DUS3L: variants seen among roughly 807,000 people sequenced by gnomAD.
DUS3L encodes the protein tRNA-dihydrouridine(47) synthase [NAD(P)(+)]-like.
Under a neutral mutation model 74.6 loss-of-function variants are expected in DUS3L, and 62 were observed. That is an observed-to-expected ratio of 0.83 (90% CI 0.68 to 1.03). The LOEUF is 1.03. DUS3L is among the 50% of genes least tolerant of loss of function. The probability of loss-of-function intolerance (pLI) is 0.00; values close to 1 mark genes in which losing one functional copy is unlikely to be tolerated. For missense variants in DUS3L, 884 were observed against 924.4 expected (o/e 0.96, Z 0.57); for synonymous variants, 433 against 395.7 (o/e 1.09, Z -1.12).
intron 8 of DUS3L, 91 bp from the exon 9 acceptor site, chr19:5,786,936 G>A (rs759638845): frequency 1.0e-5 from 15 of 1,500,860 alleles, no homozygotes; most frequent in South Asian, 1.3e-5. Flanking sequence ...GAGACAGAGA[G>A]AGACACAGGC....
Position 5,787,343 on chromosome 19 carries a change from T to C in DUS3L, c.1231A>G (p.Met411Val), listed in dbSNP as rs972014190. 1.2e-6 allele frequency: 2 copies of C among 1,608,146 alleles called. No homozygotes were observed. The highest frequency in any genetic ancestry group is 2.2e-5 in the East Asian group (1 of 44,578). Reference sequence around the variant, plus strand: ...TGCTGGAACTTGGTGGAGCGATTCATGAGGGCACAGCCCCCACCCTGGAAG... The same window carrying C: ...TGCTGGAACTTGGTGGAGCGATTCACGAGGGCACAGCCCCCACCCTGGAAG... The part of the protein sequence containing the change: ...VYKKGGGCAL[M>V]NRSTKFQQIV... The change falls in exon 7 of 13, where the codon ATG becomes GTG. Residue 411 changes from methionine to valine, a missense_variant. Transcript: ENST00000309061.
Position 5,785,502 on chromosome 19 carries a change from G to A in DUS3L, c.1761C>T (p.Pro587=), listed in dbSNP as rs528217630. ...EWLSFLCRYV[P]VGLLERLPQR... The stretch of plus-strand genomic sequence containing the variant: ...GTGGGAGCCGCTCCAGCAGCCCCAC[G>A]GGCACGTACCTGCGGCGGGTGGGCG... The change falls in exon 12 of 13, where the codon CCC becomes CCT. Residue 587 remains proline, a synonymous_variant. Coordinates refer to ENST00000309061, the MANE Select transcript of DUS3L (RefSeq NM_020175.3). 2.7e-5 allele frequency: 43 copies of A among 1,565,724 alleles called. No individual in the cohort carries two copies. In the South Asian group the frequency reaches 3.8e-4, roughly 14 times the overall value.
At chr19:5,788,926 T>C (rs1457894288) in intron 3 of DUS3L, among the ~76,000 whole-genome samples, 7 of 152,166 alleles carry the variant, frequency 4.6e-5, no homozygotes, top group African/African-American at 1.7e-4. Flanking sequence ...AGGCTGGTTT[T>C]GAACTCCCGA....
At position 5,786,852 on chromosome 19, in the gene DUS3L, G is replaced by A. The variant is rs1239522197; in HGVS notation, c.1390-7C>T. ...CCCGAGAGCGGCCGTGGAGCTGGGG[G>A]AGAAGCCGCCACGCAGGGTAGGAGG... On this transcript the variant is annotated splice_region_variant and splice_polypyrimidine_tract_variant and intron_variant, in intron 8 of 12. Coordinates refer to ENST00000309061, the MANE Select transcript of DUS3L (RefSeq NM_020175.3). 1.9e-6 allele frequency: 3 copies of A among 1,605,102 alleles called. No homozygotes were observed. Among genetic ancestry groups the A allele is most frequent in the South Asian group, 2.2e-5 (2 of 89,628 alleles).
chr19:5,789,459 C>T lies in DUS3L; in HGVS notation c.648G>A (p.Gln216=). Residue 216 remains glutamine, a synonymous_variant, in exon 3 of 13, where the codon CAG becomes CAA. Coordinates refer to ENST00000309061, the MANE Select transcript of DUS3L (RefSeq NM_020175.3). Reference sequence around the variant, plus strand: ...AGCGGACCTCGCGCTTCCGCAGCTGCTGCTGCAGGGCTTTGTCCAGGCCGT... The same window carrying T: ...AGCGGACCTCGCGCTTCCGCAGCTGTTGCTGCAGGGCTTTGTCCAGGCCGT... ...IRNGLDKALQ[Q]QLRKREVRFE... is the part of the protein sequence containing the mutation. The T allele has an allele frequency of 6.2e-7, 1 of 1,602,418 alleles. No individual in the cohort carries two copies. The highest frequency in any genetic ancestry group is 8.5e-7 in the Non-Finnish European group (1 of 1,178,802).
intron 10 of DUS3L, chr19:5,786,144 T>G (rs1296592531): frequency 4.3e-6 from 2 of 462,448 alleles, no homozygotes; most frequent in African/African-American, 4.0e-5. Context: ...TAGAGATGTT[T>G]CACCATGTTG....
chr19:5,787,186 T>TGGAGGTGGTGGGAGACGGC lies in DUS3L; in HGVS notation c.1279-16_1279-15insGCCGTCTCCCACCACCTCC. 8.3e-7 allele frequency: 1 copy of TGGAGGTGGTGGGAGACGGC among 1,205,546 alleles called. No homozygotes were observed. The highest frequency in any genetic ancestry group is 1.1e-6 in the Non-Finnish European group (1 of 931,216). 74.7% of individuals were successfully genotyped at this position (1,205,546 alleles called of 1,614,324 possible). On this transcript the variant is annotated splice_polypyrimidine_tract_variant and intron_variant, in intron 7 of 12. Coordinates refer to ENST00000309061, the MANE Select transcript of DUS3L (RefSeq NM_020175.3). ...ACATCCAGCACCTACAGGACGGTGG[T>TGGAGGTGGTGGGAGACGGC]GGGAGGTGGTGGGAGATGGTGGGAG...
intron 2 of DUS3L, 44 bp from the exon 3 acceptor site, chr19:5,789,763 C>A (rs1242898987): frequency 6.4e-7 from 1 of 1,560,250 alleles, no homozygotes; most frequent in East Asian, 2.4e-5. Context: ...AGGGAGACCC[C>A]GGGGCAGCCC....
At chr19:5,790,752 C>A in intron 1 of DUS3L, 1 of 567,356 alleles carries the variant, frequency 1.8e-6, no homozygotes, top group Non-Finnish European at 3.1e-6. Flanking sequence ...AGAGCACATG[C>A]GCCGTACGTC....
chr19:5,790,383 C>T (rs1457877666), intron 1 of DUS3L, 48 bp from the exon 2 acceptor site: 3 of 1,607,074 alleles, frequency 1.9e-6, no homozygotes, highest in Non-Finnish European at 2.6e-6. Context: ...AGTCAATAAA[C>T]ACTGGGGAAA....
chr19:5,790,705 G>A (rs929538488), intron 1 of DUS3L: 5 of 540,682 alleles, frequency 9.2e-6, no homozygotes, highest in Middle Eastern at 9.9e-4. Flanking sequence ...CGCGGCACTC[G>A]CTTCAACCCC....
Position 5,789,510 on chromosome 19 carries a change from G to T in DUS3L, c.597C>A (p.Arg199=), listed in dbSNP as rs781555811. 3.1e-6 allele frequency: 5 copies of T among 1,604,508 alleles called. No homozygotes were observed. The highest frequency in any genetic ancestry group is 1.3e-5 in the African/African-American group (1 of 75,002). The change falls in exon 3 of 13, where the codon CGC becomes CGA. Residue 199 remains arginine (R), a synonymous_variant. Transcript: ENST00000309061. The part of the protein sequence containing the change: ...QNLVQEELAA[R]GTQPPSIRNG... The stretch of plus-strand genomic sequence containing the variant: ...TGCGGATGGACGGGGGCTGGGTCCC[G>T]CGGGCCGCCAACTCCTCCTGCACCA...
intron 3 of DUS3L, among the ~76,000 whole-genome samples, chr19:5,788,915 T>C (rs908183366): frequency 4.6e-5 from 7 of 152,140 alleles, no homozygotes; most frequent in African/African-American, 1.7e-4. Flanking sequence ...CCATGATGGC[T>C]AGGCTGGTTT....
chr19:5,788,523 G>A (rs2056877381), intron 3 of DUS3L, 125 bp from the exon 4 acceptor site: 1 of 1,005,992 alleles, frequency 9.9e-7, no homozygotes, highest in African/African-American at 1.6e-5. Context: ...CCTTTGCTGG[G>A]CCTCTGCATG....
At position 5,786,671 on chromosome 19, in the gene DUS3L, G is replaced by A. The variant is rs575081231; in HGVS notation, c.1486+78C>T. The A allele has an allele frequency of 3.5e-5, 55 of 1,575,670 alleles. No homozygotes were observed. In the South Asian group the frequency reaches 6.0e-4, roughly 17 times the overall value. ...TCAGGGTGGTACGAGGGGGTCCCAA[G>A]TGGGAAGGCGAACAGCCCAGAGGTG... On this transcript the variant is annotated intron_variant, in intron 9 of 12. Transcript: ENST00000309061.
intron 5 of DUS3L, 150 bp from the exon 6 acceptor site, chr19:5,787,855 C>T (rs915687030): frequency 1.6e-5 from 23 of 1,427,316 alleles, no homozygotes; most frequent in East Asian, 1.2e-4. Flanking sequence ...TGCGAGGCAC[C>T]GGTCCCCGGC....
Position 5,789,626 on chromosome 19 carries a change from G to C in DUS3L, c.481C>G (p.Arg161Gly). 6.2e-7 allele frequency: 1 copy of C among 1,602,420 alleles called. No individual in the cohort carries two copies. Among genetic ancestry groups the C allele is most frequent in the Non-Finnish European group, 8.5e-7 (1 of 1,175,900 alleles). The change falls in exon 3 of 13, where the codon CGC becomes GGC. Residue 161 changes from arginine (R) to glycine (G), a missense_variant. By Grantham distance (125) the Arg-to-Gly change is moderately radical. Transcript: ENST00000309061. ...LETKPADLGP[R>G]CVLFETFGRC... Reference sequence around the variant, plus strand: ...CCGAAGGTCTCGAAGAGCACGCAGCGGGGGCCCAGGTCGGCCGGCTTGGTC... The same window carrying C: ...CCGAAGGTCTCGAAGAGCACGCAGCCGGGGCCCAGGTCGGCCGGCTTGGTC...
At chr19:5,789,134 T>C in intron 3 of DUS3L, 73 bp downstream of exon 3, 2 of 1,489,008 alleles carry the variant, frequency 1.3e-6, no homozygotes, top group Non-Finnish European at 8.9e-7. Context: ...AACAGGAACG[T>C]GGACACAGCT....
At chr19:5,789,036 G>T in intron 3 of DUS3L, 171 bp downstream of exon 3, 1 of 824,790 alleles carries the variant, frequency 1.2e-6, no homozygotes, top group Non-Finnish European at 1.6e-6. Flanking sequence ...CCCACCTCCT[G>T]AGGGCTGGGC....
Sources: allele counts gnomAD v4.1 joint callset (sites outside exome capture counted in the v4.1 genomes callset), GRCh38; gene constraint gnomAD v4.1.1; transcripts MANE v1.5; gene names NCBI Gene and HGNC (gene_info 2026-07-23, HGNC 2026-07-21).